SRGAP1: variants seen among roughly 807,000 people sequenced by gnomAD.
The protein encoded by SRGAP1 is SLIT-ROBO Rho GTPase-activating protein 1.
Under a neutral mutation model 121.9 loss-of-function variants are expected in SRGAP1, and 43 were observed. The ratio of observed to expected loss-of-function variants is 0.35; its 90% CI spans 0.28 to 0.46. SRGAP1 has a LOEUF of 0.46. Ranked by LOEUF, SRGAP1 falls within the 20% of genes least tolerant of loss-of-function variation. SRGAP1 has a pLI of 1.00. For missense variants in SRGAP1, 1,102 were observed against 1,350.9 expected, an observed-to-expected ratio of 0.82 and a Z score of 2.89; for synonymous variants, 447 against 485.4, an observed-to-expected ratio of 0.92 and a Z score of 1.04.
rs1268647499 is a variant in SRGAP1, at chr12:64,042,915, A to G, written c.615A>G (p.Leu205=). The change falls in exon 5 of 22, where the codon CTA becomes CTG. Residue 205 remains leucine (L), a synonymous_variant. Coordinates refer to ENST00000355086, the MANE Select transcript of SRGAP1 (RefSeq NM_020762.4). ...RSGDPVFHIR[L]EERHQRRSSV... The stretch of plus-strand genomic sequence containing the variant: ...GTGATCCAGTCTTCCATATTCGACT[A>G]GAGGAGAGACATCAACGGCGAAGCT... The G allele has an allele frequency of 3.1e-6, 5 of 1,613,984 alleles. No homozygotes were observed. In the East Asian group the frequency reaches 1.1e-4, roughly 36 times the overall value.
chr12:64,000,085 G>A (rs1354019264), intron 3 of SRGAP1, among the ~76,000 whole-genome samples: 1 of 152,076 alleles, frequency 6.6e-6, no homozygotes, highest in Non-Finnish European at 1.5e-5. Context: ...AGGGTCATTG[G>A]TTATCTCTGT....
intron 1 of SRGAP1, among the ~76,000 whole-genome samples, chr12:63,855,582 C>A (rs1418585875): frequency 6.9e-6 from 1 of 145,392 alleles, no homozygotes. Flanking sequence ...CCTCCACCTC[C>A]CAAGTTCAGG....
At chr12:63,957,294 C>G (rs764428819) in intron 1 of SRGAP1, among the ~76,000 whole-genome samples, 1 of 152,186 alleles carries the variant, frequency 6.6e-6, no homozygotes, top group African/African-American at 2.4e-5. Context: ...AGCAGGTCAG[C>G]GCCAGTGAGC....
At chr12:63,901,494 A>G (rs1158987633) in intron 1 of SRGAP1, among the ~76,000 whole-genome samples, 5 of 152,116 alleles carry the variant, frequency 3.3e-5, no homozygotes, top group Non-Finnish European at 5.9e-5. Flanking sequence ...GCTGAGCAAA[A>G]TGTTACTTTG....
intron 1 of SRGAP1, chr12:63,887,811 T>C: frequency 6.6e-6 from 1 of 152,292 alleles, no homozygotes. Flanking sequence ...TTCGAAGGTC[T>C]TCAGCTCTTC....
At chr12:64,004,481 C>T (rs960641768) in intron 3 of SRGAP1, among the ~76,000 whole-genome samples, 1 of 152,120 alleles carries the variant, frequency 6.6e-6, no homozygotes. Flanking sequence ...AAGTGATTCT[C>T]CTGCCTCAGC....
intron 2 of SRGAP1, among the ~76,000 whole-genome samples, chr12:63,986,614 G>C (rs376439817): frequency 6.6e-6 from 1 of 152,138 alleles, no homozygotes; most frequent in Non-Finnish European, 1.5e-5. Context: ...CTAGAGACAG[G>C]GTTTTGCCAT....
In SRGAP1 at chr12:64,094,918, A is replaced by G. The variant is rs1236817427; in HGVS notation, c.1540-14A>G. The G allele has an allele frequency of 6.2e-7, 1 of 1,613,734 alleles. No homozygotes were observed. The highest frequency in any genetic ancestry group is 8.5e-7 in the Non-Finnish European group (1 of 1,179,670). ...TCTCCCTTGAGGTTAACTGGTTTCC[A>G]TCCCTTTACCCAGGACTCAGGACAG... On this transcript the variant is annotated splice_polypyrimidine_tract_variant and intron_variant, in intron 12 of 21. Transcript: ENST00000355086.
rs1432127362 is a variant in SRGAP1 at position 64,062,949 on chromosome 12, C to T, written c.834C>T (p.Asn278=). The T allele has an allele frequency of 2.5e-6, 4 of 1,613,784 alleles. No homozygotes were observed. Among genetic ancestry groups the T allele is most frequent in the Admixed American group, 3.3e-5 (2 of 59,972 alleles). ...ATCTTGGCTACCATGCAAGTCTGAA[C>T]AGAGCCCTAAGAACATATCTGTCTG... ...CCDLGYHASL[N]RALRTYLSAE... Residue 278 remains asparagine (N), a synonymous_variant, in exon 7 of 22, where the codon AAC becomes AAT. Coordinates refer to ENST00000355086, the MANE Select transcript of SRGAP1 (RefSeq NM_020762.4).
chr12:64,013,456 G>A (rs1053995416), intron 3 of SRGAP1, among the ~76,000 whole-genome samples: 1 of 152,192 alleles, frequency 6.6e-6, no homozygotes, highest in Non-Finnish European at 1.5e-5. Context: ...AAGGCTAGTG[G>A]TGGGAAGAAA....
chr12:63,901,435 T>C (rs2029922489), intron 1 of SRGAP1, among the ~76,000 whole-genome samples: 1 of 152,228 alleles, frequency 6.6e-6, no homozygotes, highest in Admixed American at 6.5e-5. Context: ...GCCTTTATTA[T>C]AGCTTGTTCC....
At chr12:63,930,074 G>A (rs2031413939) in intron 1 of SRGAP1, among the ~76,000 whole-genome samples, 1 of 152,126 alleles carries the variant, frequency 6.6e-6, no homozygotes, top group South Asian at 2.1e-4. Flanking sequence ...GGAGAAATAG[G>A]AACGCCTTTA....
At chr12:64,096,035 A>G (rs2136592072) in intron 14 of SRGAP1, among the ~76,000 whole-genome samples, 1 of 152,278 alleles carries the variant, frequency 6.6e-6, no homozygotes, top group South Asian at 2.1e-4. Context: ...TCACCTGCAA[A>G]ACTGTAAAAA....
At chr12:63,991,983 G>C (rs1223989190) in intron 3 of SRGAP1, among the ~76,000 whole-genome samples, 1 of 152,194 alleles carries the variant, frequency 6.6e-6, no homozygotes, top group African/African-American at 2.4e-5. Flanking sequence ...TAGGGGATGA[G>C]GAAATTGTTC....
chr12:64,030,814 T>C (rs2034760958), intron 4 of SRGAP1, among the ~76,000 whole-genome samples: 1 of 152,198 alleles, frequency 6.6e-6, no homozygotes, highest in Non-Finnish European at 1.5e-5. Flanking sequence ...AACAGTGTGC[T>C]AGACAGACTA....
chr12:64,094,820 G>A (rs1287168895), intron 12 of SRGAP1, 112 bp from the exon 13 acceptor site: 1 of 1,000,564 alleles, frequency 1.0e-6, no homozygotes, highest in Non-Finnish European at 1.5e-6. Context: ...AACTTGGTTT[G>A]CTCCAGAACT....
At chr12:64,101,308 G>GTGTGTGTGT (rs1555174256) in intron 15 of SRGAP1, among the ~76,000 whole-genome samples, 3 of 138,098 alleles carry the variant, frequency 2.2e-5, no homozygotes, top group East Asian at 4.4e-4. Context: ...TGGGGAAAGG[G>GTGTGTGTGT]GTGTGTGTGT....
chr12:64,130,752 G>A (rs2036772359), intron 21 of SRGAP1, among the ~76,000 whole-genome samples: 1 of 152,250 alleles, frequency 6.6e-6, no homozygotes, highest in African/African-American at 2.4e-5. Flanking sequence ...AGGTAATGCT[G>A]TGTGGAATAC....
rs1439436493 is a variant in SRGAP1, at chr12:64,042,697, G to GT, written c.490-92dup. On this transcript the variant is annotated intron_variant, in intron 4 of 21. Coordinates refer to ENST00000355086, the MANE Select transcript of SRGAP1 (RefSeq NM_020762.4). ...TTTCCCCTCTGCCATTTGGAAGGTG[G>GT]TATGTGTATCATATACGTCGTATAA... 7.6e-4 allele frequency: 677 copies of GT among 888,554 alleles called. 7 individuals carry two copies. The highest frequency in any genetic ancestry group is 3.9e-3 in the Middle Eastern group (17 of 4,346). 55.0% of individuals were successfully genotyped at this position (888,554 alleles called of 1,614,324 possible). A position where few individuals can be genotyped will look rare whatever the true frequency, so the allele number is the denominator to read the frequency against.
Sources: gnomAD v4.1 joint callset for allele counts (sites outside exome capture counted in the v4.1 genomes callset) on GRCh38, gnomAD v4.1.1 for gene constraint, MANE v1.5 for transcripts, NCBI Gene and HGNC (gene_info 2026-07-23, HGNC 2026-07-21) for gene names.